SBF2: variants seen among roughly 807,000 people sequenced by gnomAD.
SBF2 encodes SET binding factor 2.
Under a neutral mutation model 225.2 loss-of-function variants are expected in SBF2, and 112 were observed. The observed-to-expected ratio is 0.50, with a 90% CI of 0.43 to 0.58. SBF2 has a LOEUF of 0.58. Ranked by LOEUF, SBF2 falls within the 20% of genes least tolerant of loss-of-function variation. The pLI, the probability that SBF2 is intolerant of heterozygous loss-of-function variation, is 0.00. For missense variants in SBF2, 1,996 were observed against 2,206.2 expected, an observed-to-expected ratio of 0.90 and a Z score of 1.91; for synonymous variants, 763 against 773.3, an observed-to-expected ratio of 0.99 and a Z score of 0.22.
chr11:9,840,679 C>T (rs1856068219), intron 25 of SBF2, among the ~76,000 whole-genome samples: 1 of 152,110 alleles, frequency 6.6e-6, no homozygotes, highest in East Asian at 1.9e-4. Context: ...ACTTTTCAGA[C>T]TATAAACTTT....
chr11:10,167,965 T>C (rs879372214), intron 2 of SBF2, among the ~76,000 whole-genome samples: 10 of 152,220 alleles, frequency 6.6e-5, no homozygotes, highest in East Asian at 1.9e-4. Context: ...TTGTGGTGAG[T>C]AGAGATCGTG....
intron 16 of SBF2, among the ~76,000 whole-genome samples, chr11:9,941,519 A>G (rs1235429707): frequency 6.6e-6 from 1 of 152,220 alleles, no homozygotes; most frequent in Non-Finnish European, 1.5e-5. Flanking sequence ...CCAGCCAAGG[A>G]GTATTTGAGA....
chr11:10,126,822 C>G (rs1953778104), intron 2 of SBF2, among the ~76,000 whole-genome samples: 1 of 152,092 alleles, frequency 6.6e-6, no homozygotes, highest in South Asian at 2.1e-4. Context: ...ACAAAATGTA[C>G]TATAATCATA....
intron 2 of SBF2, among the ~76,000 whole-genome samples, chr11:10,161,352 A>C (rs1955727541): frequency 2.0e-5 from 3 of 152,176 alleles, no homozygotes; most frequent in Admixed American, 2.0e-4. Context: ...TTTGCCAGTT[A>C]TACTGCCTCT....
chr11:9,980,293 A>T (rs1304285295), intron 13 of SBF2, among the ~76,000 whole-genome samples: 1 of 136,606 alleles, frequency 7.3e-6, no homozygotes, highest in Non-Finnish European at 1.6e-5. Flanking sequence ...TGTAATTAAA[A>T]AAAAAAAAAA....
At chr11:10,049,371 C>T (rs1340615134) in intron 2 of SBF2, among the ~76,000 whole-genome samples, 1 of 152,108 alleles carries the variant, frequency 6.6e-6, no homozygotes, top group African/African-American at 2.4e-5. Flanking sequence ...CTTTGGGAGG[C>T]TGAAGTGAGT....
At chr11:9,913,369 T>C (rs1862807403) in intron 16 of SBF2, among the ~76,000 whole-genome samples, 1 of 152,068 alleles carries the variant, frequency 6.6e-6, no homozygotes, top group African/African-American at 2.4e-5. Flanking sequence ...CACAAAGAGA[T>C]AGCATTACAC....
At chr11:10,220,004 GC>G (rs553850580) in intron 1 of SBF2, among the ~76,000 whole-genome samples, 73 of 152,146 alleles carry the variant, frequency 4.8e-4, no homozygotes, top group African/African-American at 1.6e-3. Flanking sequence ...TTTACAGAGT[GC>G]CCCCCTACCT....
intron 2 of SBF2, among the ~76,000 whole-genome samples, chr11:10,098,679 GCA>G (rs56244507): frequency 0.36 from 46,547 of 130,298 alleles, 8,797 homozygotes; most frequent in Non-Finnish European, 0.46. Context: ...GACAAAAAAT[GCA>G]CACACACACA....
chr11:10,124,900 T>C (rs1177479373), intron 2 of SBF2, among the ~76,000 whole-genome samples: 1 of 151,604 alleles, frequency 6.6e-6, no homozygotes, highest in Non-Finnish European at 1.5e-5. Flanking sequence ...AGGTCAGGAG[T>C]TGGAGACCAG....
chr11:10,068,967 T>G (rs1185109512), intron 2 of SBF2, among the ~76,000 whole-genome samples: 1 of 152,224 alleles, frequency 6.6e-6, no homozygotes, highest in African/African-American at 2.4e-5. Flanking sequence ...TGGGGCACTC[T>G]ACCCCTCACT....
chr11:10,069,090 A>T (rs1351361901), intron 2 of SBF2, among the ~76,000 whole-genome samples: 3 of 152,244 alleles, frequency 2.0e-5, no homozygotes, highest in Admixed American at 2.0e-4. Flanking sequence ...TAATTTGAAT[A>T]GTACAATGAA....
intron 2 of SBF2, among the ~76,000 whole-genome samples, chr11:10,153,314 A>C (rs1955308047): frequency 1.3e-5 from 2 of 152,198 alleles, no homozygotes; most frequent in Non-Finnish European, 2.9e-5. Flanking sequence ...GCATTCATAA[A>C]ATTTAAAATA....
intron 2 of SBF2, among the ~76,000 whole-genome samples, chr11:10,075,422 G>T (rs1951059912): frequency 6.6e-6 from 1 of 152,188 alleles, no homozygotes; most frequent in African/African-American, 2.4e-5. Flanking sequence ...AGAATAATAG[G>T]TAGTTGATAT....
intron 1 of SBF2, among the ~76,000 whole-genome samples, chr11:10,269,332 T>C (rs1034405947): frequency 5.3e-5 from 8 of 152,182 alleles, no homozygotes; most frequent in African/African-American, 1.2e-4. Flanking sequence ...TGGGAAAAGA[T>C]AGGCGTGCCA....
Position 10,023,614 on chromosome 11 carries a change from C to T in SBF2, c.619+4838G>A, listed in dbSNP as rs576846688. On this transcript the variant is annotated intron_variant, in intron 6 of 39. Coordinates refer to ENST00000256190, the MANE Select transcript of SBF2 (RefSeq NM_030962.4). ...CTATTTTGGACATTCCACATAAACA[C>T]AATCATATAATATACGGTTTTTGTG... Among the ~76,000 whole-genome samples, 22 of 152,282 alleles carry T rather than the reference C, an allele frequency of 1.4e-4. No homozygotes were observed. The South Asian group carries it at 4.1e-3, about 29-fold the overall frequency.
chr11:10,301,784 A>C (rs1422533537), intron 1 of SBF2, among the ~76,000 whole-genome samples: 1 of 152,228 alleles, frequency 6.6e-6, no homozygotes, highest in Non-Finnish European at 1.5e-5. Context: ...TCAGGCTTGG[A>C]TATAGGGCCT....
intron 28 of SBF2, among the ~76,000 whole-genome samples, chr11:9,824,795 T>G (rs746184438): frequency 2.5e-4 from 38 of 152,074 alleles, no homozygotes; most frequent in African/African-American, 9.2e-4. Flanking sequence ...TGTCTAAAAG[T>G]TGAGTGGAAA....
chr11:10,174,064 A>C (rs1956343585), intron 2 of SBF2, among the ~76,000 whole-genome samples: 1 of 151,746 alleles, frequency 6.6e-6, no homozygotes, highest in Admixed American at 6.6e-5. Context: ...ATGGGGAAAA[A>C]ACAGAGCAGA....
Sources: allele counts gnomAD v4.1 joint callset (sites outside exome capture counted in the v4.1 genomes callset), GRCh38; gene constraint gnomAD v4.1.1; transcripts MANE v1.5; gene names NCBI Gene and HGNC (gene_info 2026-07-23, HGNC 2026-07-21).